Variants in MAOB observed in about 807,000 individuals in gnomAD.
The protein encoded by MAOB is amine oxidase [flavin-containing] B.
MAOB carries 15 observed loss-of-function variants against 41.9 expected under a neutral mutation model. That is an observed-to-expected ratio of 0.36 (90% confidence interval 0.24 to 0.55). The LOEUF (loss-of-function observed/expected upper bound fraction) is 0.55, where lower values mean the gene tolerates loss of function less well. Ranked by LOEUF, MAOB falls within the 20% of genes least tolerant of loss-of-function variation. The pLI, the probability that MAOB is intolerant of heterozygous loss-of-function variation, is 0.86. For synonymous variants in MAOB, 167 were observed against 144.2 expected (o/e 1.16, Z -1.13); for missense variants, 345 against 398.7 (o/e 0.87, Z 1.15).
intron 11 of MAOB, 36 bp from the exon 12 acceptor site, chrX:43,775,308 CAGAG>C: frequency 8.4e-7 from 1 of 1,187,605 alleles, no homozygotes. Context: ...GAAGGAGACT[CAGAG>C]AAAGCTATTT....
chrX:43,882,139 A>C (rs2035477262), intron 1 of MAOB, 115 bp downstream of exon 1: 4 of 1,112,998 alleles, frequency 3.6e-6, no homozygotes, highest in South Asian at 4.3e-5. Flanking sequence ...CCGTGCGTGG[A>C]CAGTCTGGGG....
At chrX:43,872,098 A>G (rs760508862) in intron 1 of MAOB, among the ~76,000 whole-genome samples, 5 of 111,910 alleles carry the variant, frequency 4.5e-5, no homozygotes, top group Admixed American at 9.5e-5. Context: ...TAGAAACACA[A>G]CAGTTATCTA....
intron 1 of MAOB, among the ~76,000 whole-genome samples, chrX:43,880,860 A>G (rs1034098163): frequency 8.9e-6 from 1 of 112,627 alleles, no homozygotes; most frequent in African/African-American, 3.2e-5. Context: ...GAGAAACTTC[A>G]GCTTCTGTAA....
Position 43,839,002 on chromosome X carries a change from G to C in MAOB, c.145C>G (p.Gln49Glu), listed in dbSNP as rs775868592. The C allele has an allele frequency of 1.7e-6, 2 of 1,157,183 alleles. No individual in the cohort carries two copies. Among genetic ancestry groups the C allele is most frequent in the East Asian group, 6.1e-5 (2 of 32,774 alleles). ...VGGRTYTLRNQKVKYVDLGGS... is the reference protein window; with the variant it reads ...VGGRTYTLRNEKVKYVDLGGS... ...CCAAGGTCCACATATTTAACCTTTT[G>C]GTTCTGTTTTCCCATAGGAAAAAAT... Residue 49 changes from glutamine (Q) to glutamate (E), a missense_variant, in exon 3 of 15, where the codon CAA (glutamine) becomes GAA (glutamate). Coordinates refer to ENST00000378069, the MANE Select transcript of MAOB (RefSeq NM_000898.5).
intron 7 of MAOB, among the ~76,000 whole-genome samples, chrX:43,793,900 C>T (rs762722727): frequency 8.1e-5 from 9 of 111,002 alleles, no homozygotes; most frequent in Non-Finnish European, 1.7e-4. Context: ...TTTTTGAGAC[C>T]CAGTCTCACT....
intron 3 of MAOB, among the ~76,000 whole-genome samples, chrX:43,822,561 A>C (rs1005440253): frequency 4.1e-4 from 46 of 111,929 alleles, no homozygotes; most frequent in African/African-American, 1.4e-3. Flanking sequence ...CTACTTGTGA[A>C]TTTTACATGG....
intron 1 of MAOB, among the ~76,000 whole-genome samples, chrX:43,862,732 T>C (rs1225680770): frequency 1.8e-5 from 2 of 111,646 alleles, no homozygotes; most frequent in East Asian, 5.6e-4. Flanking sequence ...AGGCAGAGAA[T>C]GCAACTCAAC....
intron 1 of MAOB, among the ~76,000 whole-genome samples, chrX:43,858,906 G>A (rs147970881): frequency 1.8e-5 from 2 of 111,813 alleles, no homozygotes; most frequent in Non-Finnish European, 3.8e-5. Context: ...GCCAAAACAA[G>A]CTGGCAATGT....
intron 3 of MAOB, among the ~76,000 whole-genome samples, chrX:43,814,085 C>G (rs1436154605): frequency 9.1e-6 from 1 of 110,375 alleles, no homozygotes; most frequent in Non-Finnish European, 1.9e-5. Context: ...GGAGAATGCT[C>G]CAGGCAGGCA....
intron 1 of MAOB, among the ~76,000 whole-genome samples, chrX:43,851,948 T>C (rs2035255004): frequency 9.0e-6 from 1 of 111,479 alleles, no homozygotes; most frequent in African/African-American, 3.3e-5. Context: ...CAAGAACCTG[T>C]GAAACAAAGA....
At position 43,861,089 on chromosome X, in the gene MAOB, T is replaced by C. The variant is rs1394095132; in HGVS notation, c.47-17325A>G. On this transcript the variant is annotated intron_variant, in intron 1 of 14. Coordinates refer to ENST00000378069, the MANE Select transcript of MAOB (RefSeq NM_000898.5). ...TTTTGTTGGTCCATTTGGTAATTTA[T>C]TATGTGACTGCCCCTCCACCAACTA... 5.3e-5 allele frequency among the ~76,000 whole-genome samples: 6 copies of C among 112,534 alleles called. No homozygotes were observed. The East Asian group carries it at 1.7e-3, about 31-fold the overall frequency.
At chrX:43,821,932 A>C (rs900246406) in intron 3 of MAOB, among the ~76,000 whole-genome samples, 14 of 112,193 alleles carry the variant, frequency 1.2e-4, no homozygotes, top group Non-Finnish European at 2.3e-4. Context: ...TGAAGCTTCT[A>C]CGAAGCATTA....
At chrX:43,856,546 C>A (rs2035288792) in intron 1 of MAOB, among the ~76,000 whole-genome samples, 1 of 111,954 alleles carries the variant, frequency 8.9e-6, no homozygotes, top group Non-Finnish European at 1.9e-5. Flanking sequence ...CCATGTATAA[C>A]TTTTGGCTCT....
rs748110288 is a variant in MAOB, at chrX:43,870,570, C to T, written c.46+11684G>A. On this transcript the variant is annotated intron_variant, in intron 1 of 14. Coordinates refer to ENST00000378069, the MANE Select transcript of MAOB (RefSeq NM_000898.5). The stretch of plus-strand genomic sequence containing the variant: ...CGGCTCTTTGGGAGGCTGAGGCGGG[C>T]GGATCATGAGGTCAGGAGATCGAGA... Among the ~76,000 whole-genome samples, 5 of 109,863 alleles carry T rather than the reference C, an allele frequency of 4.6e-5. No individual in the cohort carries two copies. The East Asian group carries it at 1.2e-3, about 25-fold the overall frequency.
At chrX:43,770,815 A>C (rs1225170331) in intron 12 of MAOB, among the ~76,000 whole-genome samples, 1 of 111,663 alleles carries the variant, frequency 9.0e-6, no homozygotes, top group Non-Finnish European at 1.9e-5. Context: ...AATATTTAAT[A>C]GTTAGTAGAC....
intron 3 of MAOB, among the ~76,000 whole-genome samples, chrX:43,828,748 G>A (rs763677143): frequency 9.0e-6 from 1 of 111,579 alleles, no homozygotes; most frequent in Non-Finnish European, 1.9e-5. Flanking sequence ...ATGGATCAGG[G>A]TTAAAGCCCC....
intron 1 of MAOB, among the ~76,000 whole-genome samples, chrX:43,847,782 A>C (rs1230396374): frequency 1.8e-5 from 2 of 112,281 alleles, no homozygotes; most frequent in Non-Finnish European, 3.8e-5. Context: ...TCATCTTTTT[A>C]AAAAGCTAAT....
At position 43,819,793 on chromosome X, in the gene MAOB, T is replaced by C. The variant is rs7884044; in HGVS notation, c.280-16389A>G. Among the ~76,000 whole-genome samples the C allele has an allele frequency of 5.6e-3, 622 of 111,803 alleles. 4 individuals are homozygous for C. Among genetic ancestry groups the C allele is most frequent in the African/African-American group, 0.018 (568 of 30,730 alleles). On this transcript the variant is annotated intron_variant, in intron 3 of 14. Coordinates refer to ENST00000378069, the MANE Select transcript of MAOB (RefSeq NM_000898.5). ...GTGGCAAGGTCCCAATTGTTTCTAT[T>C]ATTCTTATCAGAACCTTGCTAAAGG...
chrX:43,863,725 A>G (rs975562481), intron 1 of MAOB, among the ~76,000 whole-genome samples: 3 of 111,835 alleles, frequency 2.7e-5, no homozygotes, highest in African/African-American at 6.5e-5. Flanking sequence ...GCACTTAGTC[A>G]CATAATTGCA....
Sources: allele counts gnomAD v4.1 joint callset (sites outside exome capture counted in the v4.1 genomes callset), GRCh38; gene constraint gnomAD v4.1.1; transcripts MANE v1.5; gene names NCBI Gene and HGNC (gene_info 2026-07-23, HGNC 2026-07-21).